TNK2: variants seen among roughly 807,000 people sequenced by gnomAD.
TNK2 encodes tyrosine kinase non receptor 2.
Under a neutral mutation model 101.8 loss-of-function variants are expected in TNK2, and 83 were observed. That is an observed-to-expected ratio of 0.82 (90% confidence interval 0.68 to 0.98). The LOEUF (loss-of-function observed/expected upper bound fraction) is 0.98, where lower values mean the gene tolerates loss of function less well. Among genes scored for constraint, TNK2 ranks in the 50% least tolerant of loss-of-function variants. The pLI, the probability that TNK2 is intolerant of heterozygous loss-of-function variation, is 0.00. For missense variants in TNK2, 1,665 were observed against 1,483.2 expected (o/e 1.12, Z -2.01); for synonymous variants, 804 against 633.0 (o/e 1.27, Z -4.06).
chr3:195,866,853 G>T, intron 15 of TNK2, 36 bp downstream of exon 15: 1 of 1,599,352 alleles, frequency 6.3e-7, no homozygotes, highest in Non-Finnish European at 8.5e-7. Context: ...AGCCCTCCTG[G>T]GGCACGGAGC....
In TNK2 at chr3:195,867,356, C is replaced by A; in HGVS notation, c.2937+5G>T. The A allele has an allele frequency of 1.2e-6, 2 of 1,607,738 alleles. No individual in the cohort carries two copies. The stretch of plus-strand genomic sequence containing the variant: ...GCTTCGCCCACAGCCAGGCTGGGTG[C>A]TCACCATCTGGATCTTGTCTGCTGG... On this transcript the variant is annotated splice_donor_5th_base_variant and intron_variant, in intron 13 of 15. Transcript: ENST00000672887.
chr3:195,888,600 C>T lies in TNK2; in HGVS notation c.-12G>A. 6.2e-7 allele frequency: 1 copy of T among 1,608,384 alleles called. No homozygotes were observed. The highest frequency in any genetic ancestry group is 8.5e-7 in the Non-Finnish European group (1 of 1,177,834). ...TCCTCTGGCTGCATTCTGCCGCCTC[C>T]CAGCCTCTGTGGGGGGAGGAGTGGC... On this transcript the variant is annotated 5_prime_UTR_variant, in exon 2 of 16. Coordinates refer to ENST00000672887, the MANE Select transcript of TNK2 (RefSeq NM_001382273.1). The surrounding 1 kb of genome is among the most constrained non-coding windows in gnomAD (Gnocchi z 5.3).
rs1177417052 is a variant in TNK2 at position 195,882,673 on chromosome 3, C to T, written c.610-345G>A. The stretch of plus-strand genomic sequence containing the variant: ...AGGAGTTTGAGACCAGCCTGGCCAA[C>T]ATGGTGAAACCCCGTCTCTACTAAA... On this transcript the variant is annotated intron_variant, in intron 5 of 15. Coordinates refer to ENST00000672887, the MANE Select transcript of TNK2 (RefSeq NM_001382273.1). The surrounding 1 kb of genome is among the most constrained non-coding windows in gnomAD (Gnocchi z 4.2). 3.6e-6 allele frequency: 2 copies of T among 553,922 alleles called. No individual in the cohort carries two copies. The highest frequency in any genetic ancestry group is 1.9e-5 in the African/African-American group (1 of 51,920). 34.3% of individuals were successfully genotyped at this position (553,922 alleles called of 1,614,324 possible).
At chr3:195,894,546 C>CGG (rs889945575) in intron 1 of TNK2, 2 of 151,676 alleles carry the variant, frequency 1.3e-5, no homozygotes, top group Non-Finnish European at 2.9e-5. Context: ...CCCCCGCCAC[C>CGG]GTGCCCAGCT....
rs762897057 is a variant in TNK2 at position 195,864,217 on chromosome 3, A to G, written c.3162-30T>C. Reference sequence around the variant, plus strand: ...AGAATGGGAAACCACCAGCACAGTTAAACAGTTTACAGAAGGTTCAGCGGG... The same window carrying G: ...AGAATGGGAAACCACCAGCACAGTTGAACAGTTTACAGAAGGTTCAGCGGG... On this transcript the variant is annotated intron_variant, in intron 15 of 15. Coordinates refer to ENST00000672887, the MANE Select transcript of TNK2 (RefSeq NM_001382273.1). The G allele has an allele frequency of 9.3e-6, 15 of 1,613,744 alleles. 1 individual carries two copies. The highest frequency in any genetic ancestry group is 6.6e-5 in the South Asian group (6 of 91,084).
rs1018097690 is a variant in TNK2, at chr3:195,878,186, C to T, written c.1256+67G>A. ...AATCTTGGAGGCCAAACAGATCTGT[C>T]CACAGGTCCCTCCGACCTGTGCCCT... On this transcript the variant is annotated intron_variant, in intron 9 of 15. Coordinates refer to ENST00000672887, the MANE Select transcript of TNK2 (RefSeq NM_001382273.1). The surrounding 1 kb of genome is among the most constrained non-coding windows in gnomAD (Gnocchi z 4.7). 2.0e-6 allele frequency: 3 copies of T among 1,524,722 alleles called. No individual in the cohort carries two copies. The highest frequency in any genetic ancestry group is 2.7e-5 in the African/African-American group (2 of 73,116). 94.4% of individuals were successfully genotyped at this position (1,524,722 alleles called of 1,614,324 possible). A position where few individuals can be genotyped will look rare whatever the true frequency, so the allele number is the denominator to read the frequency against.
chr3:195,886,890 GA>G lies in TNK2; in HGVS notation c.234+86del, dbSNP rs1755864958. On this transcript the variant is annotated intron_variant, in intron 3 of 15. Coordinates refer to ENST00000672887, the MANE Select transcript of TNK2 (RefSeq NM_001382273.1). The surrounding 1 kb of genome is among the most constrained non-coding windows in gnomAD (Gnocchi z 4.2). ...GAACGGCGAGATTCGACCTGCCGGG[GA>G]GCTGGGGAAGGTTCCCAGGACCAGA... 3 of 1,442,660 alleles carry G rather than the reference GA, an allele frequency of 2.1e-6. No homozygotes were observed. The highest frequency in any genetic ancestry group is 2.0e-6 in the Non-Finnish European group (2 of 1,024,212). 89.4% of individuals were successfully genotyped at this position (1,442,660 alleles called of 1,614,324 possible).
chr3:195,895,484 CG>C, intron 1 of TNK2: 2 of 1,360,400 alleles, frequency 1.5e-6, no homozygotes, highest in Non-Finnish European at 1.9e-6. Flanking sequence ...GGCCGGCGGC[CG>C]GGTGGTCGCG....
rs201997906 is a variant in TNK2 at position 195,867,592 on chromosome 3, G to C, written c.2706C>G (p.Pro902=). ...GGGGCAGCAGCAGAGGCACAGGCAG[G>C]GGGGTAGGCTCCTCGGGGCTCTGGG... ...REAQSPEEPT[P]LPVPLLLPPP... Residue 902 remains proline, a synonymous_variant, in exon 13 of 16, where the codon CCC becomes CCG. Coordinates refer to ENST00000672887, the MANE Select transcript of TNK2 (RefSeq NM_001382273.1). The C allele has an allele frequency of 2.3e-5, 37 of 1,592,066 alleles. No individual in the cohort carries two copies. In the East Asian group the frequency reaches 2.9e-4, roughly 12 times the overall value.
In TNK2 at chr3:195,867,371, T is replaced by C. The variant is rs779640119; in HGVS notation, c.2927A>G (p.Lys976Arg). Residue 976 changes from lysine (K) to arginine (R), a missense_variant, in exon 13 of 16, where the codon AAG becomes AGG. Transcript: ENST00000672887. ...DGPEAGRPAD[K>R]IQMLQAMVHG... is the part of the protein sequence containing the mutation. Reference sequence around the variant, plus strand: ...AGGCTGGGTGCTCACCATCTGGATCTTGTCTGCTGGCCGGCCCGCCTCTGG... The same window carrying C: ...AGGCTGGGTGCTCACCATCTGGATCCTGTCTGCTGGCCGGCCCGCCTCTGG... 1.9e-6 allele frequency: 3 copies of C among 1,606,812 alleles called. No homozygotes were observed. In the Admixed American group the frequency reaches 5.1e-5, roughly 27 times the overall value.
intron 1 of TNK2, chr3:195,895,122 C>G: frequency 1.1e-6 from 1 of 915,248 alleles, no homozygotes; most frequent in Non-Finnish European, 1.5e-6. Context: ...TCTCTGTCCC[C>G]TGGCCCAGGA....
In TNK2 at chr3:195,886,985, T is replaced by C; in HGVS notation, c.226A>G (p.Met76Val). The change falls in exon 3 of 16, where the codon ATG (methionine) becomes GTG (valine). Residue 76 changes from methionine to valine, a missense_variant. By Grantham distance (21) the Met-to-Val change is conservative (BLOSUM62 1). Around this residue, in one of 3 missense-constraint regions of TNK2, gnomAD observed 490 missense variants for 522.5 expected, o/e 0.94. Transcript: ENST00000672887. The surrounding 1 kb of genome is among the most constrained non-coding windows in gnomAD (Gnocchi z 4.2). ...RKALCKRKSW[M>V]SKVFSGKRLE... ...CCCACCTCCTCACCCACCTTACTCATCCACGACTTGCGTTTGCACAAGGCC... is the reference window on the plus strand; with the variant it reads ...CCCACCTCCTCACCCACCTTACTCACCCACGACTTGCGTTTGCACAAGGCC... The C allele has an allele frequency of 6.7e-7, 1 of 1,502,024 alleles. No individual in the cohort carries two copies. The highest frequency in any genetic ancestry group is 9.0e-7 in the Non-Finnish European group (1 of 1,109,040). The allele number at this position is 1,502,024 out of a possible 1,614,324, so 93.0% of individuals were successfully genotyped here.
chr3:195,890,043 G>C (rs746329052), intron 1 of TNK2, among the ~76,000 whole-genome samples: 1 of 152,240 alleles, frequency 6.6e-6, no homozygotes, highest in Non-Finnish European at 1.5e-5. Flanking sequence ...TGCCAACACA[G>C]TGCCAGTTCC....
chr3:195,868,091 G>A lies in TNK2; in HGVS notation c.2207C>T (p.Pro736Leu), dbSNP rs557924118. 32 of 1,610,272 alleles carry A rather than the reference G, an allele frequency of 2.0e-5. 1 individual carries two copies. In the South Asian group the frequency reaches 2.1e-4, roughly 11 times the overall value. Residue 736 changes from proline to leucine, a missense_variant, in exon 13 of 16, where the codon CCG becomes CTG. By Grantham distance (98) the Pro-to-Leu change is moderately conservative. Around this residue, in one of 3 missense-constraint regions of TNK2, gnomAD observed 1,136 missense variants for 894.9 expected, o/e 1.27. Coordinates refer to ENST00000672887, the MANE Select transcript of TNK2 (RefSeq NM_001382273.1). ...QQECMRQLQA[P>L]AGSPAPSPSP... Reference sequence around the variant, plus strand: ...GGGAGAGGGGGCCGGGGAGCCGGCCGGAGCCTGCAGTTGCCTCATGCACTC... The same window carrying A: ...GGGAGAGGGGGCCGGGGAGCCGGCCAGAGCCTGCAGTTGCCTCATGCACTC...
intron 15 of TNK2, among the ~76,000 whole-genome samples, chr3:195,865,866 C>T (rs1296693881): frequency 6.6e-6 from 1 of 151,642 alleles, no homozygotes; most frequent in Non-Finnish European, 1.5e-5. Flanking sequence ...CCATCCATCG[C>T]GCCAGTCCCT....
intron 10 of TNK2, among the ~76,000 whole-genome samples, chr3:195,871,149 C>G (rs1745003213): frequency 6.6e-6 from 1 of 151,900 alleles, no homozygotes; most frequent in South Asian, 2.1e-4. Flanking sequence ...GGCCTGGAAT[C>G]CCCCTGCGGC....
chr3:195,883,208 G>C lies in TNK2; in HGVS notation c.558C>G (p.His186Gln). 6.2e-7 allele frequency: 1 copy of C among 1,610,790 alleles called. No individual in the cohort carries two copies. The highest frequency in any genetic ancestry group is 8.5e-7 in the Non-Finnish European group (1 of 1,180,024). ...CCCCGTAGAGGCGGATGAGGTTTCG[G>C]TGGTCGAGCGAGTGCATGGCATTGA... ...REVNAMHSLDHRNLIRLYGVV... is the reference protein window; with the variant it reads ...REVNAMHSLDQRNLIRLYGVV... The change falls in exon 5 of 16, where the codon CAC becomes CAG. Residue 186 changes from histidine to glutamine, a missense_variant. His to Gln is a conservative substitution (Grantham distance 24). This residue lies in a region of TNK2 where 490 missense variants were observed against 522.5 expected (regional missense o/e 0.94). Coordinates refer to ENST00000672887, the MANE Select transcript of TNK2 (RefSeq NM_001382273.1).
rs1041552403 is a variant in TNK2, at chr3:195,863,950, A to G, written c.*231T>C. The G allele has an allele frequency of 1.9e-6, 1 of 535,472 alleles. No individual in the cohort carries two copies. 33.2% of individuals were successfully genotyped at this position (535,472 alleles called of 1,614,324 possible). ...CCTGTCTTCACCCGGCCCCTTCCACATCTTGGCAGGGGCACCGGGACTGAA... is the reference window on the plus strand; with the variant it reads ...CCTGTCTTCACCCGGCCCCTTCCACGTCTTGGCAGGGGCACCGGGACTGAA... On this transcript the variant is annotated 3_prime_UTR_variant, in exon 16 of 16. Coordinates refer to ENST00000672887, the MANE Select transcript of TNK2 (RefSeq NM_001382273.1).
At position 195,867,788 on chromosome 3, in the gene TNK2, G is replaced by A. The variant is rs748476187; in HGVS notation, c.2510C>T (p.Ala837Val). ...GGGGGTGGCGTACTTGGGGTCTGAG[G>A]CAAAGCTCTGGGTGGTGGGCATGGT... ...GKTMPTTQSF[A>V]SDPKYATPQV... is the part of the protein sequence containing the mutation. Residue 837 changes from alanine (A) to valine (V), a missense_variant, in exon 13 of 16, where the codon GCC becomes GTC. Ala to Val is a moderately conservative substitution (Grantham distance 64). Transcript: ENST00000672887. 1.5e-5 allele frequency: 24 copies of A among 1,575,902 alleles called. No homozygotes were observed. The African/African-American group carries it at 2.2e-4, about 14-fold the overall frequency.
Sources: gnomAD v4.1 joint callset for allele counts (sites outside exome capture counted in the v4.1 genomes callset) on GRCh38, gnomAD v4.1.1 for gene constraint, gnomAD v4.1.1 regional missense constraint, Gnocchi (gnomAD v3.1) non-coding constraint, MANE v1.5 for transcripts, NCBI Gene and HGNC (gene_info 2026-07-23, HGNC 2026-07-21) for gene names.